NSMCE2: variants seen among roughly 807,000 people sequenced by gnomAD.
The protein encoded by NSMCE2 is NSE2 SUMO ligase component of SMC5/6 complex, also known as E3 SUMO-protein ligase NSE2.
A neutral mutation model predicts 23.8 loss-of-function variants in NSMCE2; 24 were observed. That is an observed-to-expected ratio of 1.01 (90% CI 0.73 to 1.42). NSMCE2 has a LOEUF of 1.42. Ranked by LOEUF, NSMCE2 falls within the 40% of genes most tolerant of loss-of-function variation. The pLI is 0.00. For synonymous variants in NSMCE2, 92 were observed against 94.1 expected, an observed-to-expected ratio of 0.98 and a Z score of 0.13; for missense variants, 284 against 296.5, an observed-to-expected ratio of 0.96 and a Z score of 0.31.
chr8:125,185,236 G>A (rs1823038186), intron 5 of NSMCE2, among the ~76,000 whole-genome samples: 1 of 152,134 alleles, frequency 6.6e-6, no homozygotes, highest in Non-Finnish European at 1.5e-5. Context: ...CCAGCTGTAA[G>A]TTAATCTATC....
chr8:125,351,991 G>A (rs1813054987), intron 5 of NSMCE2, among the ~76,000 whole-genome samples: 2 of 152,170 alleles, frequency 1.3e-5, no homozygotes, highest in Middle Eastern at 3.4e-3. Context: ...TCTAGCCTGG[G>A]CAACAGAGCA....
chr8:125,221,400 T>C lies in NSMCE2; in HGVS notation c.418+39144T>C, dbSNP rs529866969. ...CTGGGATTACAGTTGTGTACCACCA[T>C]GCCTGGCTAAGTTTTGTATTTTTTG... is the stretch of plus-strand genomic sequence containing the variant. On this transcript the variant is annotated intron_variant, in intron 5 of 7. Coordinates refer to ENST00000287437, the MANE Select transcript of NSMCE2 (RefSeq NM_173685.4). Among the ~76,000 whole-genome samples, 100 of 152,334 alleles carry C rather than the reference T, an allele frequency of 6.6e-4. 1 individual carries two copies. In the South Asian group the frequency reaches 0.02, roughly 31 times the overall value.
intron 5 of NSMCE2, among the ~76,000 whole-genome samples, chr8:125,238,895 T>A (rs1190884316): frequency 2.0e-5 from 3 of 152,208 alleles, no homozygotes; most frequent in South Asian, 4.1e-4. Flanking sequence ...ATATATCAAA[T>A]TCATGAGGCT....
chr8:125,179,858 G>C (rs1214900517), intron 4 of NSMCE2, among the ~76,000 whole-genome samples: 1 of 152,172 alleles, frequency 6.6e-6, no homozygotes, highest in African/African-American at 2.4e-5. Context: ...GGTTGACTGT[G>C]TTAGAGACTT....
At chr8:125,306,599 A>G (rs893223294) in intron 5 of NSMCE2, among the ~76,000 whole-genome samples, 5 of 152,188 alleles carry the variant, frequency 3.3e-5, no homozygotes, top group South Asian at 2.1e-4. Context: ...CCTGCACAAA[A>G]TGTGAAAATA....
chr8:125,251,405 G>A (rs796928233), intron 5 of NSMCE2, among the ~76,000 whole-genome samples: 1 of 152,250 alleles, frequency 6.6e-6, no homozygotes, highest in African/African-American at 2.4e-5. Context: ...GGTCTTAATG[G>A]GAAGACAGTG....
chr8:125,289,473 C>T (rs985006378), intron 5 of NSMCE2, among the ~76,000 whole-genome samples: 2 of 152,186 alleles, frequency 1.3e-5, no homozygotes, highest in Admixed American at 1.3e-4. Context: ...AGAGGCCTTT[C>T]ATCCATGCTG....
chr8:125,146,865 G>T (rs972365289), intron 3 of NSMCE2, among the ~76,000 whole-genome samples: 1 of 151,860 alleles, frequency 6.6e-6, no homozygotes, highest in African/African-American at 2.4e-5. Flanking sequence ...CCTGCATGTT[G>T]TGCACATGTA....
At chr8:125,104,801 C>A (rs1344956265) in intron 3 of NSMCE2, among the ~76,000 whole-genome samples, 4 of 152,136 alleles carry the variant, frequency 2.6e-5, no homozygotes, top group African/African-American at 9.7e-5. Context: ...CTTTGGGAGG[C>A]CGAAGCAGGA....
chr8:125,356,765 C>T (rs181267803), intron 5 of NSMCE2, among the ~76,000 whole-genome samples: 11 of 152,162 alleles, frequency 7.2e-5, no homozygotes, highest in Non-Finnish European at 1.5e-4. Context: ...CCCTGCACTA[C>T]CTAATTGTAA....
chr8:125,135,784 A>G (rs1334027241), intron 3 of NSMCE2, among the ~76,000 whole-genome samples: 2 of 152,330 alleles, frequency 1.3e-5, no homozygotes, highest in South Asian at 2.1e-4. Context: ...CTTCATGCCA[A>G]TAGCACACTA....
At chr8:125,132,384 C>T (rs1178255136) in intron 3 of NSMCE2, among the ~76,000 whole-genome samples, 1 of 152,166 alleles carries the variant, frequency 6.6e-6, no homozygotes, top group African/African-American at 2.4e-5. Context: ...CTGTGCCTGA[C>T]CTGTTCATAT....
intron 5 of NSMCE2, among the ~76,000 whole-genome samples, chr8:125,281,090 C>T (rs553332459): frequency 2.0e-5 from 3 of 152,250 alleles, no homozygotes; most frequent in South Asian, 2.1e-4. Flanking sequence ...AGTTATAAGC[C>T]GATTAAGATA....
chr8:125,164,520 C>A (rs1369513968), intron 4 of NSMCE2, among the ~76,000 whole-genome samples: 2 of 151,826 alleles, frequency 1.3e-5, no homozygotes, highest in Non-Finnish European at 2.9e-5. Context: ...GAAATTTAGT[C>A]AAAACAAAAA....
At chr8:125,279,291 A>G (rs182167139) in intron 5 of NSMCE2, among the ~76,000 whole-genome samples, 29 of 152,320 alleles carry the variant, frequency 1.9e-4, no homozygotes, top group South Asian at 8.3e-4. Flanking sequence ...TTTCTTATAT[A>G]TATTGCAAAT....
At chr8:125,246,607 A>G (rs1376736424) in intron 5 of NSMCE2, among the ~76,000 whole-genome samples, 1 of 152,248 alleles carries the variant, frequency 6.6e-6, no homozygotes, top group Non-Finnish European at 1.5e-5. Context: ...AGACATATTT[A>G]TCACTCAATA....
At chr8:125,186,500 GAAAT>G in intron 5 of NSMCE2, among the ~76,000 whole-genome samples, 2 of 152,226 alleles carry the variant, frequency 1.3e-5, no homozygotes, top group Admixed American at 6.5e-5. Flanking sequence ...TTGAGGCTCT[GAAAT>G]AAATAAAAAG....
intron 3 of NSMCE2, among the ~76,000 whole-genome samples, chr8:125,124,877 C>T (rs138741094): frequency 0.022 from 3,352 of 152,110 alleles, 121 homozygotes; most frequent in South Asian, 0.16. Flanking sequence ...TCACTGCAGC[C>T]TCCACCTCCT....
At chr8:125,366,149 T>G (rs947018081) in intron 7 of NSMCE2, among the ~76,000 whole-genome samples, 2 of 152,186 alleles carry the variant, frequency 1.3e-5, no homozygotes, top group African/African-American at 4.8e-5. Flanking sequence ...TCTCTCTCCC[T>G]GACCCTGCTT....
Sources: allele counts gnomAD v4.1 joint callset (sites outside exome capture counted in the v4.1 genomes callset), GRCh38; gene constraint gnomAD v4.1.1; transcripts MANE v1.5; gene names NCBI Gene and HGNC (gene_info 2026-07-23, HGNC 2026-07-21).